Variants in YIPF6 observed in about 807,000 individuals in gnomAD.
The protein encoded by YIPF6 is protein YIPF6.
YIPF6 carries 3 observed loss-of-function variants against 16.8 expected under a neutral mutation model. The ratio of observed to expected loss-of-function variants is 0.18; its 90% CI spans 0.08 to 0.46. The LOEUF (loss-of-function observed/expected upper bound fraction) is 0.46. Among genes scored for constraint, YIPF6 ranks in the 20% least tolerant of loss-of-function variants. The probability of loss-of-function intolerance (pLI) is 0.98; values close to 1 mark genes in which losing one functional copy is unlikely to be tolerated. For missense variants in YIPF6, 145 were observed against 184.9 expected, an observed-to-expected ratio of 0.78 and a Z score of 1.25; for synonymous variants, 67 against 61.9, an observed-to-expected ratio of 1.08 and a Z score of -0.38.
intron 1 of YIPF6, among the ~76,000 whole-genome samples, chrX:68,501,298 G>A (rs1163595302): frequency 8.9e-6 from 1 of 112,403 alleles, no homozygotes; most frequent in Non-Finnish European, 1.9e-5. Context: ...GGGTGACCAA[G>A]CTACATGGTG....
chrX:68,521,242 A>G, intron 4 of YIPF6, 130 bp from the exon 5 acceptor site: 1 of 779,412 alleles, frequency 1.3e-6, no homozygotes, highest in South Asian at 3.9e-5. Context: ...CTTTTAGCAC[A>G]ACCTACATAT....
intron 1 of YIPF6, among the ~76,000 whole-genome samples, chrX:68,508,185 C>T (rs2079067239): frequency 9.3e-6 from 1 of 107,284 alleles, no homozygotes; most frequent in African/African-American, 3.4e-5. Flanking sequence ...CTGCAAGCCT[C>T]GACCTCCTGG....
chrX:68,504,306 T>C (rs2079051977), intron 1 of YIPF6, among the ~76,000 whole-genome samples: 1 of 111,334 alleles, frequency 9.0e-6, no homozygotes, highest in Admixed American at 9.6e-5. Flanking sequence ...GGTTTCATTA[T>C]GATTAATTGG....
chrX:68,517,383 G>A (rs1478852677), intron 3 of YIPF6, among the ~76,000 whole-genome samples: 1 of 111,374 alleles, frequency 9.0e-6, no homozygotes, highest in Non-Finnish European at 1.9e-5. Context: ...CTGAGCTCAG[G>A]CCATCCGCCC....
chrX:68,513,416 G>A lies in YIPF6; in HGVS notation c.265+11G>A. On this transcript the variant is annotated intron_variant, in intron 3 of 6. Coordinates refer to ENST00000462683, the MANE Select transcript of YIPF6 (RefSeq NM_173834.4). ...CTCTTTTGAGAGATTGTAAGTATAT[G>A]AGGTTTTTAAGGGTTTGCTTAATCT... 1 of 1,170,531 alleles carries A rather than the reference G, an allele frequency of 8.5e-7. No homozygotes were observed. Among genetic ancestry groups the A allele is most frequent in the Non-Finnish European group, 1.2e-6 (1 of 868,131 alleles).
chrX:68,516,298 A>G (rs2079102356), intron 3 of YIPF6, among the ~76,000 whole-genome samples: 1 of 111,780 alleles, frequency 8.9e-6, no homozygotes, highest in African/African-American at 3.2e-5. Context: ...CAAGTAGAGT[A>G]TTATGTAGTG....
intron 6 of YIPF6, among the ~76,000 whole-genome samples, chrX:68,524,017 G>A (rs140798657): frequency 9.8e-5 from 11 of 112,063 alleles, no homozygotes; most frequent in African/African-American, 3.6e-4. Flanking sequence ...TTTTAGGCAT[G>A]GTCTTTGTCC....
rs1302489228 is a variant in YIPF6, at chrX:68,499,080, A to G, written c.14A>G (p.Glu5Gly). ...AGGAGGGCCAAGATGGCGGAAGCGGAGGAGTCTCCAGGAGACCCGGGGACA... is the reference window on the plus strand; with the variant it reads ...AGGAGGGCCAAGATGGCGGAAGCGGGGGAGTCTCCAGGAGACCCGGGGACA... MAEA[E>G]ESPGDPGTAS... is the part of the protein sequence containing the mutation. The change falls in exon 1 of 7, where the codon GAG becomes GGG. Residue 5 changes from glutamate to glycine, a missense_variant. Physicochemically the swap from Glu to Gly is moderately conservative, Grantham distance 98 (BLOSUM62 -2). Coordinates refer to ENST00000462683, the MANE Select transcript of YIPF6 (RefSeq NM_173834.4). 8.4e-7 allele frequency: 1 copy of G among 1,187,165 alleles called. No homozygotes were observed. The highest frequency in any genetic ancestry group is 1.9e-5 in the South Asian group (1 of 53,902).
At chrX:68,506,608 G>A (rs1401500203) in intron 1 of YIPF6, among the ~76,000 whole-genome samples, 1 of 110,989 alleles carries the variant, frequency 9.0e-6, no homozygotes, top group Non-Finnish European at 1.9e-5. Context: ...GCTGAGATGG[G>A]AGGATTGCTT....
chrX:68,536,283 G>C lies in YIPF6; in HGVS notation c.*4284G>C. On this transcript the variant is annotated 3_prime_UTR_variant, in exon 7 of 7. Transcript: ENST00000462683. ...CACTAATCTGCTTTCTGTCACTATTGATTTGGCCAGACACTATTCTTCTGT... is the reference window on the plus strand; with the variant it reads ...CACTAATCTGCTTTCTGTCACTATTCATTTGGCCAGACACTATTCTTCTGT... The C allele has an allele frequency of 9.0e-6, 1 of 110,834 alleles. No homozygotes were observed. The highest frequency in any genetic ancestry group is 1.9e-5 in the Non-Finnish European group (1 of 52,962). 9.1% of individuals were successfully genotyped at this position (110,834 alleles called of 1,213,427 possible).
intron 6 of YIPF6, among the ~76,000 whole-genome samples, chrX:68,529,405 T>G (rs144559488): frequency 9.0e-6 from 1 of 110,758 alleles, no homozygotes; most frequent in African/African-American, 3.3e-5. Flanking sequence ...TTAGCTTCCT[T>G]GCATTGCATT....
chrX:68,511,672 G>T, intron 1 of YIPF6, 177 bp from the exon 2 acceptor site: 1 of 405,153 alleles, frequency 2.5e-6, no homozygotes, highest in Non-Finnish European at 3.8e-6. Context: ...AATCTTTAAA[G>T]AAATAAATTT....
At position 68,503,201 on chromosome X, in the gene YIPF6, G is replaced by A. The variant is rs910438200; in HGVS notation, c.57+4078G>A. 1.5e-4 allele frequency among the ~76,000 whole-genome samples: 17 copies of A among 111,862 alleles called. 1 individual carries two copies. The highest frequency in any genetic ancestry group is 4.9e-4 in the African/African-American group (15 of 30,837). ...GCTGATTCCTGCTTCATGCTTCCCC[G>A]TGTTGATTCCTTTTTCCAGGATTTT... On this transcript the variant is annotated intron_variant, in intron 1 of 6. Coordinates refer to ENST00000462683, the MANE Select transcript of YIPF6 (RefSeq NM_173834.4).
chrX:68,529,433 C>T (rs1032851016), intron 6 of YIPF6, among the ~76,000 whole-genome samples: 1 of 110,553 alleles, frequency 9.0e-6, no homozygotes. Context: ...GCTCCTTTAG[C>T]TCAGAGGAGT....
At chrX:68,511,820 C>G in intron 1 of YIPF6, 29 bp from the exon 2 acceptor site, 1 of 1,185,344 alleles carries the variant, frequency 8.4e-7, no homozygotes, top group South Asian at 1.9e-5. Context: ...TTATTACAGG[C>G]TTACTTTTTT....
At position 68,535,615 on chromosome X, in the gene YIPF6, T is replaced by C. The variant is rs2079188339; in HGVS notation, c.*3616T>C. 1 of 111,445 alleles carries C rather than the reference T, an allele frequency of 9.0e-6. No homozygotes were observed. The highest frequency in any genetic ancestry group is 1.9e-5 in the Non-Finnish European group (1 of 53,163). 9.2% of individuals were successfully genotyped at this position (111,445 alleles called of 1,213,427 possible). A position where few individuals can be genotyped will look rare whatever the true frequency, so the allele number is the denominator to read the frequency against. On this transcript the variant is annotated 3_prime_UTR_variant, in exon 7 of 7. Coordinates refer to ENST00000462683, the MANE Select transcript of YIPF6 (RefSeq NM_173834.4). ...GTAGGCTTTTGTTAAAAATAGAGAA[T>C]TTCTTGGGGTTTACTTAGGCCACAG...
Position 68,533,423 on chromosome X carries a change from T to C in YIPF6, c.*1424T>C, listed in dbSNP as rs1602474442. 1 of 112,019 alleles carries C rather than the reference T, an allele frequency of 8.9e-6. No individual in the cohort carries two copies. The highest frequency in any genetic ancestry group is 1.9e-5 in the Non-Finnish European group (1 of 53,225). The allele number at this position is 112,019 out of a possible 1,213,427, so 9.2% of individuals were successfully genotyped here. A position where few individuals can be genotyped will look rare whatever the true frequency, so the allele number is the denominator to read the frequency against. ...AGGCAGAAAACACTCATTGTAAATA[T>C]ACTATTAGTTGATAAACATAGGACT... is the stretch of plus-strand genomic sequence containing the variant. On this transcript the variant is annotated 3_prime_UTR_variant, in exon 7 of 7. Transcript: ENST00000462683.
In YIPF6 at chrX:68,534,499, T is replaced by C. The variant is rs1307194871; in HGVS notation, c.*2500T>C. 1 of 111,544 alleles carries C rather than the reference T, an allele frequency of 9.0e-6. No homozygotes were observed. Among genetic ancestry groups the C allele is most frequent in the Admixed American group, 9.6e-5 (1 of 10,403 alleles). 9.2% of individuals were successfully genotyped at this position (111,544 alleles called of 1,213,427 possible). A position where few individuals can be genotyped will look rare whatever the true frequency, so the allele number is the denominator to read the frequency against. Reference sequence around the variant, plus strand: ...AACTCAGTTTTTATCTTTTTTCACATTGAAAATCAGTTAGATTTGCTTAAG... The same window carrying C: ...AACTCAGTTTTTATCTTTTTTCACACTGAAAATCAGTTAGATTTGCTTAAG... On this transcript the variant is annotated 3_prime_UTR_variant, in exon 7 of 7. Transcript: ENST00000462683.
intron 1 of YIPF6, among the ~76,000 whole-genome samples, chrX:68,510,097 T>C (rs992316344): frequency 9.3e-4 from 104 of 111,956 alleles, no homozygotes; most frequent in African/African-American, 3.3e-3. Context: ...GGCTACTTGG[T>C]CTCCCTACAA....
Sources: allele counts gnomAD v4.1 joint callset (sites outside exome capture counted in the v4.1 genomes callset), GRCh38; gene constraint gnomAD v4.1.1; transcripts MANE v1.5; gene names NCBI Gene and HGNC (gene_info 2026-07-23, HGNC 2026-07-21).